The following METTL24 variants were observed in gnomAD, a reference collection of about 807,000 sequenced individuals.
METTL24 encodes the protein probable methyltransferase-like protein 24.
In METTL24, 29 loss-of-function variants were observed where a neutral mutation model predicts 32.7. The ratio of observed to expected loss-of-function variants is 0.89; its 90% CI spans 0.66 to 1.21. The LOEUF (loss-of-function observed/expected upper bound fraction) is 1.21, where lower values mean the gene tolerates loss of function less well. Ranked by LOEUF, METTL24 falls within the 50% of genes most tolerant of loss-of-function variation. METTL24 has a pLI of 0.00. For synonymous variants in METTL24, 163 were observed against 179.5 expected (o/e 0.91, Z 0.73); for missense variants, 439 against 468.1 (o/e 0.94, Z 0.57).
chr6:110,272,801 C>T (rs1405762950), intron 4 of METTL24, among the ~76,000 whole-genome samples: 1 of 152,002 alleles, frequency 6.6e-6, no homozygotes, highest in Non-Finnish European at 1.5e-5. Flanking sequence ...CCTTTACCAC[C>T]CACTGTTTGA....
At chr6:110,295,583 A>G (rs1771398225) in intron 4 of METTL24, among the ~76,000 whole-genome samples, 1 of 152,230 alleles carries the variant, frequency 6.6e-6, no homozygotes, top group South Asian at 2.1e-4. Flanking sequence ...ATTTCTATAC[A>G]GCACAGTATT....
chr6:110,282,529 T>C (rs1048859588), intron 4 of METTL24, among the ~76,000 whole-genome samples: 2 of 152,158 alleles, frequency 1.3e-5, no homozygotes, highest in African/African-American at 2.4e-5. Flanking sequence ...AAGAACTTAA[T>C]TTACCTTGCT....
In METTL24 at chr6:110,307,276, A is replaced by G. The variant is rs1410498849; in HGVS notation, c.557+8066T>C. Among the ~76,000 whole-genome samples the G allele has an allele frequency of 3.3e-5, 5 of 152,270 alleles. No individual in the cohort carries two copies. In the East Asian group the frequency reaches 9.6e-4, roughly 29 times the overall value. On this transcript the variant is annotated intron_variant, in intron 3 of 4. Coordinates refer to ENST00000338882, the MANE Select transcript of METTL24 (RefSeq NM_001123364.3). Reference sequence around the variant, plus strand: ...ATCTGAAGAGGTTCACAAAGTAGTAATGAAGAAAGATTTTTGAACAAATAA... The same window carrying G: ...ATCTGAAGAGGTTCACAAAGTAGTAGTGAAGAAAGATTTTTGAACAAATAA...
At chr6:110,311,888 T>C (rs1313737341) in intron 3 of METTL24, among the ~76,000 whole-genome samples, 7 of 152,222 alleles carry the variant, frequency 4.6e-5, no homozygotes, top group Admixed American at 4.6e-4. Context: ...TTTCATGGAA[T>C]TATTTTTTTG....
At chr6:110,305,911 G>A (rs975094013) in intron 3 of METTL24, among the ~76,000 whole-genome samples, 3 of 152,158 alleles carry the variant, frequency 2.0e-5, no homozygotes, top group Non-Finnish European at 4.4e-5. Context: ...CAATAGCAAA[G>A]ACTTGGAACC....
At chr6:110,302,875 A>G (rs1334285887) in intron 3 of METTL24, among the ~76,000 whole-genome samples, 1 of 152,156 alleles carries the variant, frequency 6.6e-6, no homozygotes, top group Non-Finnish European at 1.5e-5. Flanking sequence ...CTGGCAAGAT[A>G]TGGCTGAATA....
chr6:110,305,365 G>A (rs1771608319), intron 3 of METTL24, among the ~76,000 whole-genome samples: 1 of 151,928 alleles, frequency 6.6e-6, no homozygotes, highest in South Asian at 2.1e-4. Context: ...CACAGCAAAA[G>A]AAAGTATCAT....
At chr6:110,294,887 T>G (rs1474049507) in intron 4 of METTL24, among the ~76,000 whole-genome samples, 1 of 152,120 alleles carries the variant, frequency 6.6e-6, no homozygotes, top group Non-Finnish European at 1.5e-5. Flanking sequence ...AGCAGCAAAG[T>G]GTATTATTCC....
intron 2 of METTL24, 36 bp from the exon 3 acceptor site, chr6:110,315,517 ATGT>A (rs1771803897): frequency 5.6e-6 from 9 of 1,610,162 alleles, no homozygotes; most frequent in Non-Finnish European, 7.6e-6. Flanking sequence ...ATAATTTGAA[ATGT>A]TGGATGATAA....
intron 3 of METTL24, among the ~76,000 whole-genome samples, chr6:110,310,585 A>C (rs1214724075): frequency 6.6e-6 from 1 of 152,134 alleles, no homozygotes; most frequent in Admixed American, 6.5e-5. Context: ...GTATCTTTTC[A>C]GTGCCTTCCC....
intron 4 of METTL24, among the ~76,000 whole-genome samples, chr6:110,282,475 G>A (rs1471623204): frequency 1.3e-5 from 2 of 151,976 alleles, no homozygotes; most frequent in African/African-American, 4.8e-5. Context: ...TTTCATGAAA[G>A]GTATCATCAC....
At chr6:110,255,832 G>C (rs1488020654) in intron 4 of METTL24, among the ~76,000 whole-genome samples, 2 of 152,074 alleles carry the variant, frequency 1.3e-5, no homozygotes, top group Admixed American at 6.5e-5. Flanking sequence ...CATGTTCTTG[G>C]GGTTCAGTGG....
chr6:110,258,218 C>G (rs1242784079), intron 4 of METTL24, among the ~76,000 whole-genome samples: 2 of 152,208 alleles, frequency 1.3e-5, no homozygotes, highest in Non-Finnish European at 2.9e-5. Flanking sequence ...AATGTGCCTT[C>G]TGTGAATAAC....
intron 4 of METTL24, among the ~76,000 whole-genome samples, chr6:110,266,099 C>T (rs562774223): frequency 9.3e-4 from 142 of 151,988 alleles, no homozygotes; most frequent in African/African-American, 3.4e-3. Flanking sequence ...GAGATGGGGT[C>T]TTATTATATT....
intron 4 of METTL24, among the ~76,000 whole-genome samples, chr6:110,270,666 C>T (rs113188353): frequency 0.018 from 2,696 of 152,088 alleles, 94 homozygotes; most frequent in African/African-American, 0.061. Flanking sequence ...TCCTGTAAAG[C>T]CAAATCTCTT....
At chr6:110,257,486 G>A (rs1034615413) in intron 4 of METTL24, among the ~76,000 whole-genome samples, 61 of 152,214 alleles carry the variant, frequency 4.0e-4, no homozygotes, top group African/African-American at 1.4e-3. Flanking sequence ...CTACCATACT[G>A]GATGGTGCAG....
chr6:110,262,220 C>A (rs1333318428), intron 4 of METTL24, among the ~76,000 whole-genome samples: 1 of 151,832 alleles, frequency 6.6e-6, no homozygotes, highest in Non-Finnish European at 1.5e-5. Flanking sequence ...AGACTGCTAG[C>A]AAGATTAATA....
At chr6:110,287,562 C>A (rs968676441) in intron 4 of METTL24, among the ~76,000 whole-genome samples, 5 of 152,174 alleles carry the variant, frequency 3.3e-5, no homozygotes, top group African/African-American at 1.2e-4. Context: ...GGACTTCCAC[C>A]TTTACCACAG....
chr6:110,338,182 G>A (rs1416510220), intron 1 of METTL24, among the ~76,000 whole-genome samples: 1 of 152,048 alleles, frequency 6.6e-6, no homozygotes, highest in Non-Finnish European at 1.5e-5. Context: ...TCTTTCTTTG[G>A]GTGGAAATAA....
Sources: allele counts gnomAD v4.1 joint callset (sites outside exome capture counted in the v4.1 genomes callset), GRCh38; gene constraint gnomAD v4.1.1; transcripts MANE v1.5; gene names NCBI Gene and HGNC (gene_info 2026-07-23, HGNC 2026-07-21).